The following MRAP2 variants were observed in gnomAD, a reference collection of about 807,000 sequenced individuals.
MRAP2 encodes melanocortin-2 receptor accessory protein 2.
In MRAP2, 20 loss-of-function variants were observed where a neutral mutation model predicts 17.4. That is an observed-to-expected ratio of 1.15 (90% confidence interval 0.81 to 1.67). MRAP2 has a LOEUF of 1.67. Ranked by LOEUF, MRAP2 falls within the 40% of genes most tolerant of loss-of-function variation. MRAP2 has a pLI of 0.00. For missense variants in MRAP2, 238 were observed against 240.0 expected (o/e 0.99, Z 0.05); for synonymous variants, 96 against 88.4 (o/e 1.09, Z -0.48).
chr6:84,138,246 T>C, the MRAP2 span, among the ~76,000 whole-genome samples: 3 of 152,174 alleles, frequency 2.0e-5, no homozygotes, highest in African/African-American at 7.2e-5. Flanking sequence ...GCACAAAATA[T>C]TTGAAACAAC....
At chr6:84,094,270 G>T (rs2099502288), downstream of MRAP2, among the ~76,000 whole-genome samples, 1 of 152,216 alleles carries the variant, frequency 6.6e-6, no homozygotes, top group Non-Finnish European at 1.5e-5. Context: ...ACAGTCCTTG[G>T]CTTTCTCTCC....
At chr6:84,116,977 T>C in the MRAP2 span, among the ~76,000 whole-genome samples, 145 of 152,156 alleles carry the variant, frequency 9.5e-4, 2 homozygotes, top group Admixed American at 9.4e-3. Context: ...TTCCCTTTTC[T>C]TCCCTTCTTC....
the MRAP2 span, among the ~76,000 whole-genome samples, chr6:84,143,865 G>A: frequency 6.6e-6 from 1 of 152,056 alleles, no homozygotes; most frequent in African/African-American, 2.4e-5. Context: ...AGAAAGCAAA[G>A]ATTTTGTGTT....
intron 1 of MRAP2, among the ~76,000 whole-genome samples, chr6:84,038,324 G>A (rs563073563): frequency 1.3e-5 from 2 of 152,310 alleles, no homozygotes; most frequent in Non-Finnish European, 2.9e-5. Context: ...TGAGTGGATG[G>A]TGGAGAAATA....
In MRAP2 at chr6:84,089,745, A is replaced by G. The variant is rs1674077839; in HGVS notation, c.*264A>G. 2 of 415,900 alleles carry G rather than the reference A, an allele frequency of 4.8e-6. No individual in the cohort carries two copies. The allele number at this position is 415,900 out of a possible 1,614,324, so 25.8% of individuals were successfully genotyped here. A position where few individuals can be genotyped will look rare whatever the true frequency, so the allele number is the denominator to read the frequency against. ...ACACCAAGCTTGTCCAACCCGTGGCATGTGTCCCAGGACAGCTTTGAATGT... is the reference window on the plus strand; with the variant it reads ...ACACCAAGCTTGTCCAACCCGTGGCGTGTGTCCCAGGACAGCTTTGAATGT... On this transcript the variant is annotated 3_prime_UTR_variant, in exon 4 of 4. Coordinates refer to ENST00000257776, the MANE Select transcript of MRAP2 (RefSeq NM_138409.4).
At chr6:84,136,670 A>C in the MRAP2 span, among the ~76,000 whole-genome samples, 1 of 152,234 alleles carries the variant, frequency 6.6e-6, no homozygotes, top group East Asian at 1.9e-4. Flanking sequence ...TATCTTAAGA[A>C]GCAAATAACA....
intron 1 of MRAP2, among the ~76,000 whole-genome samples, chr6:84,039,819 G>C (rs763131938): frequency 3.5e-4 from 54 of 152,300 alleles, no homozygotes; most frequent in Non-Finnish European, 7.2e-4. Flanking sequence ...TTTTGAAGTT[G>C]CCTGGTTTAA....
chr6:84,124,916 T>G, the MRAP2 span: 2 of 654,672 alleles, frequency 3.1e-6, no homozygotes, highest in East Asian at 2.8e-5. Context: ...TTTTTCTTAT[T>G]GGTTAAAGGC....
the MRAP2 span, among the ~76,000 whole-genome samples, chr6:84,116,107 A>C: frequency 6.6e-6 from 1 of 152,100 alleles, no homozygotes; most frequent in Non-Finnish European, 1.5e-5. Flanking sequence ...TCCTATTTAA[A>C]TACACTTTAT....
At chr6:84,110,186 A>G in the MRAP2 span, among the ~76,000 whole-genome samples, 1 of 152,160 alleles carries the variant, frequency 6.6e-6, no homozygotes, top group Non-Finnish European at 1.5e-5. Context: ...AAATGGTTGA[A>G]CTAATTTACA....
At chr6:84,062,766 T>C in intron 2 of MRAP2, 127 bp from the exon 3 acceptor site, 1 of 1,494,866 alleles carries the variant, frequency 6.7e-7, no homozygotes, top group Non-Finnish European at 9.0e-7. Flanking sequence ...TCCAGCCAAC[T>C]GCGGATCAGA....
chr6:84,146,166 T>C, the MRAP2 span, among the ~76,000 whole-genome samples: 1 of 152,104 alleles, frequency 6.6e-6, no homozygotes, highest in Non-Finnish European at 1.5e-5. Context: ...CTAATCCAAA[T>C]CTCTTCAAAG....
At chr6:84,127,825 T>C in the MRAP2 span, among the ~76,000 whole-genome samples, 1 of 152,162 alleles carries the variant, frequency 6.6e-6, no homozygotes, top group Non-Finnish European at 1.5e-5. Context: ...GATAAAGGGA[T>C]GGCCAATGAC....
intron 2 of MRAP2, among the ~76,000 whole-genome samples, chr6:84,057,640 T>A (rs1470064468): frequency 6.6e-6 from 1 of 152,190 alleles, no homozygotes; most frequent in Non-Finnish European, 1.5e-5. Flanking sequence ...CAATATATAT[T>A]TATTGAGCAC....
At chr6:84,129,932 G>A in the MRAP2 span, among the ~76,000 whole-genome samples, 2 of 152,130 alleles carry the variant, frequency 1.3e-5, no homozygotes, top group East Asian at 3.9e-4. Flanking sequence ...GGGCATCCTT[G>A]TCCTGTGCTG....
the MRAP2 span, among the ~76,000 whole-genome samples, chr6:84,127,095 T>G: frequency 6.6e-6 from 1 of 152,118 alleles, no homozygotes; most frequent in Admixed American, 6.6e-5. Flanking sequence ...ATCCAGAGAT[T>G]AAAGACACAG....
At chr6:84,093,952 G>A (rs2099502219), downstream of MRAP2, among the ~76,000 whole-genome samples, 1 of 152,154 alleles carries the variant, frequency 6.6e-6, no homozygotes, top group Non-Finnish European at 1.5e-5. Context: ...AGGAGCTTTT[G>A]TTCTTTTTCT....
Position 84,089,077 on chromosome 6 carries a change from C to CT in MRAP2, c.228-7dup, listed in dbSNP as rs747117191. The CT allele has an allele frequency of 5.7e-6, 9 of 1,589,154 alleles. No individual in the cohort carries two copies. The highest frequency in any genetic ancestry group is 6.8e-6 in the Non-Finnish European group (8 of 1,170,042). ...TGGAGTGTAAGCAGTCTTTTATTTT[C>CT]TTTTTTTAAATAGCAATGCAGAGTC... On this transcript the variant is annotated splice_polypyrimidine_tract_variant and intron_variant, in intron 3 of 3. Transcript: ENST00000257776.
At chr6:84,121,192 A>C in the MRAP2 span, among the ~76,000 whole-genome samples, 1 of 151,680 alleles carries the variant, frequency 6.6e-6, no homozygotes, top group East Asian at 1.9e-4. Context: ...CTTCTACCTC[A>C]GCCTCCTGAG....
Sources: allele counts gnomAD v4.1 joint callset (sites outside exome capture counted in the v4.1 genomes callset), GRCh38; gene constraint gnomAD v4.1.1; transcripts MANE v1.5; gene names NCBI Gene and HGNC (gene_info 2026-07-23, HGNC 2026-07-21).